The following RAB7A variants were observed in gnomAD, a reference collection of about 807,000 sequenced individuals.
RAB7A encodes RAB7A, member RAS oncogene family.
A neutral mutation model predicts 24.5 loss-of-function variants in RAB7A; 2 were observed. The ratio of observed to expected loss-of-function variants is 0.08; its 90% confidence interval spans 0.03 to 0.26. The LOEUF (loss-of-function observed/expected upper bound fraction) is 0.26. Among genes scored for constraint, RAB7A ranks in the 10% least tolerant of loss-of-function variants. The pLI is 1.00. For missense variants in RAB7A, 118 were observed against 255.7 expected, an observed-to-expected ratio of 0.46 and a Z score of 3.67; for synonymous variants, 100 against 95.9, an observed-to-expected ratio of 1.04 and a Z score of -0.25.
Position 128,806,479 on chromosome 3 carries a change from C to G in RAB7A, c.288C>G (p.Phe96Leu), listed in dbSNP as rs745988626. The change falls in exon 4 of 6, where the codon TTC (phenylalanine) becomes TTG (leucine). Residue 96 changes from phenylalanine to leucine, a missense_variant. Phe to Leu is a conservative substitution (Grantham distance 22). This residue lies in a region of RAB7A where 52 missense variants were observed against 173.5 expected (regional missense o/e 0.30). Transcript: ENST00000265062. ...TTGATGTGACTGCCCCCAACACATT[C>G]AAAACCCTAGATAGCTGGAGAGATG... ...LVFDVTAPNT[F>L]KTLDSWRDEF... 3 of 1,614,086 alleles carry G rather than the reference C, an allele frequency of 1.9e-6. No homozygotes were observed. Among genetic ancestry groups the G allele is most frequent in the South Asian group, 2.2e-5 (2 of 91,060 alleles).
intron 1 of RAB7A, among the ~76,000 whole-genome samples, chr3:128,787,928 G>T (rs1410101349): frequency 1.3e-5 from 2 of 152,192 alleles, no homozygotes; most frequent in African/African-American, 4.8e-5. Context: ...GCCCAGGTTG[G>T]TCTCAAAACT....
chr3:128,805,626 TG>T (rs1351668650), intron 3 of RAB7A, among the ~76,000 whole-genome samples: 1 of 152,186 alleles, frequency 6.6e-6, no homozygotes, highest in Non-Finnish European at 1.5e-5. Context: ...AAATATAACA[TG>T]CTAATCTTTT....
chr3:128,811,177 T>TA (rs1933918300), intron 5 of RAB7A, among the ~76,000 whole-genome samples: 1 of 152,180 alleles, frequency 6.6e-6, no homozygotes, highest in Middle Eastern at 3.4e-3. Context: ...GTCAGGCTGA[T>TA]ACGCAGTGGT....
intron 1 of RAB7A, among the ~76,000 whole-genome samples, chr3:128,726,619 T>C (rs1160868440): frequency 6.6e-6 from 1 of 152,188 alleles, no homozygotes; most frequent in Non-Finnish European, 1.5e-5. Context: ...TGTTTACTGT[T>C]GGCCTGGATC....
intron 1 of RAB7A, among the ~76,000 whole-genome samples, chr3:128,788,795 T>TGG (rs1933394163): frequency 6.6e-6 from 1 of 152,080 alleles, no homozygotes; most frequent in Non-Finnish European, 1.5e-5. Flanking sequence ...TTAACCTCTT[T>TGG]CTGACCACCG....
chr3:128,768,600 G>A (rs879261495), intron 1 of RAB7A, among the ~76,000 whole-genome samples: 25 of 151,862 alleles, frequency 1.6e-4, no homozygotes, highest in Non-Finnish European at 4.4e-5. Context: ...ATTCTGTTGC[G>A]CAGGCTGGAG....
At chr3:128,758,660 A>G (rs1359408248) in intron 1 of RAB7A, among the ~76,000 whole-genome samples, 1 of 152,134 alleles carries the variant, frequency 6.6e-6, no homozygotes, top group Non-Finnish European at 1.5e-5. Flanking sequence ...AAAAATCTTT[A>G]GGGATTTTTA....
intron 1 of RAB7A, among the ~76,000 whole-genome samples, chr3:128,750,335 C>T (rs568333198): frequency 6.6e-6 from 1 of 152,332 alleles, no homozygotes; most frequent in African/African-American, 2.4e-5. Context: ...GATGTCAGCT[C>T]ACTGCAGCCT....
At chr3:128,763,208 A>ATATATATATATATTTTTTTT (rs373993932) in intron 1 of RAB7A, among the ~76,000 whole-genome samples, 2 of 76,060 alleles carry the variant, frequency 2.6e-5, no homozygotes, top group African/African-American at 1.6e-4. Flanking sequence ...ATATATATAT[A>ATATATATATATATTTTTTTT]TTTTTTTTTT....
At chr3:128,767,968 A>G (rs966687926) in intron 1 of RAB7A, among the ~76,000 whole-genome samples, 9 of 152,166 alleles carry the variant, frequency 5.9e-5, no homozygotes, top group Admixed American at 5.9e-4. Context: ...CTATGAATAC[A>G]TACCATTCAA....
intron 1 of RAB7A, among the ~76,000 whole-genome samples, chr3:128,751,528 A>G (rs1175044102): frequency 6.6e-6 from 1 of 152,118 alleles, no homozygotes; most frequent in East Asian, 1.9e-4. Context: ...ACCAATTTCT[A>G]CCATTCAGAA....
intron 1 of RAB7A, among the ~76,000 whole-genome samples, chr3:128,749,866 CA>C (rs1326757722): frequency 6.6e-6 from 1 of 152,164 alleles, no homozygotes; most frequent in Admixed American, 6.5e-5. Flanking sequence ...ATGTCTTTAT[CA>C]GCAGCATGAA....
At chr3:128,784,925 AAG>A (rs1279123739) in intron 1 of RAB7A, among the ~76,000 whole-genome samples, 5 of 151,272 alleles carry the variant, frequency 3.3e-5, no homozygotes, top group African/African-American at 9.8e-5. Flanking sequence ...CCTGGGGCTT[AAG>A]AGTTCTATTC....
intron 1 of RAB7A, among the ~76,000 whole-genome samples, chr3:128,750,399 T>A (rs2070664921): frequency 6.6e-6 from 1 of 152,066 alleles, no homozygotes; most frequent in African/African-American, 2.4e-5. Context: ...GTAGCTGGGA[T>A]TACAGGTGCC....
At position 128,813,480 on chromosome 3, in the gene RAB7A, T is replaced by TC; in HGVS notation, c.*59dup. 2 of 1,453,568 alleles carry TC rather than the reference T, an allele frequency of 1.4e-6. No individual in the cohort carries two copies. Among genetic ancestry groups the TC allele is most frequent in the South Asian group, 2.3e-5 (2 of 87,892 alleles). The allele number at this position is 1,453,568 out of a possible 1,614,324, so 90.0% of individuals were successfully genotyped here. On this transcript the variant is annotated 3_prime_UTR_variant, in exon 6 of 6. Transcript: ENST00000265062. ...ACAAACCAAGAACACACGTAGGCCT[T>TC]CAACACAATTCCCCTCTCCTCTTCC...
intron 1 of RAB7A, among the ~76,000 whole-genome samples, chr3:128,786,413 C>G (rs1933342788): frequency 7.2e-6 from 1 of 139,450 alleles, no homozygotes; most frequent in South Asian, 2.1e-4. Flanking sequence ...TCATGACCTT[C>G]TCCAAAACTT....
intron 1 of RAB7A, among the ~76,000 whole-genome samples, chr3:128,763,314 A>C (rs2070792728): frequency 6.9e-6 from 1 of 144,260 alleles, no homozygotes; most frequent in Non-Finnish European, 1.5e-5. Flanking sequence ...TCCTGGGTTC[A>C]GGCCATTCTG....
intron 1 of RAB7A, among the ~76,000 whole-genome samples, chr3:128,734,657 ACT>A (rs141898564): frequency 0.012 from 1,762 of 151,806 alleles, 36 homozygotes; most frequent in African/African-American, 0.041. Flanking sequence ...TTTCATTCCA[ACT>A]CTCTTTTTTG....
At chr3:128,788,432 A>G (rs1449175265) in intron 1 of RAB7A, among the ~76,000 whole-genome samples, 1 of 150,716 alleles carries the variant, frequency 6.6e-6, no homozygotes, top group Non-Finnish European at 1.5e-5. Context: ...TAAAAGCCAC[A>G]GTATATGATG....
Sources: allele counts gnomAD v4.1 joint callset (sites outside exome capture counted in the v4.1 genomes callset), GRCh38; gene constraint gnomAD v4.1.1; regional missense constraint gnomAD v4.1.1; transcripts MANE v1.5; gene names NCBI Gene and HGNC (gene_info 2026-07-23, HGNC 2026-07-21).